Variants in SLCO1C1 observed in about 807,000 individuals in gnomAD.
The protein encoded by SLCO1C1 is solute carrier organic anion transporter family member 1C1.
SLCO1C1 carries 70 observed loss-of-function variants against 76.4 expected under a neutral mutation model. The observed-to-expected ratio is 0.92, with a 90% CI of 0.76 to 1.12. The LOEUF (loss-of-function observed/expected upper bound fraction) is 1.12, where lower values mean the gene tolerates loss of function less well. Ranked by LOEUF, SLCO1C1 falls within the 50% of genes most tolerant of loss-of-function variation. The pLI is 0.00. For synonymous variants in SLCO1C1, 306 were observed against 286.1 expected (o/e 1.07, Z -0.70); for missense variants, 912 against 823.8 (o/e 1.11, Z -1.31).
At chr12:20,699,799 C>CT (rs1301254102) in intron 2 of SLCO1C1, 94 bp downstream of exon 2, 4 of 1,288,362 alleles carry the variant, frequency 3.1e-6, no homozygotes, top group Non-Finnish European at 4.1e-6. Flanking sequence ...TTGTTTTCTC[C>CT]TTTAAAAAAA....
chr12:20,743,649 TTG>T (rs942813016), intron 13 of SLCO1C1, among the ~76,000 whole-genome samples: 1 of 152,134 alleles, frequency 6.6e-6, no homozygotes, highest in African/African-American at 2.4e-5. Context: ...TTTCTAGTAC[TTG>T]TGTGTTCTTA....
chr12:20,699,513 GTATT>G (rs1351926308), intron 1 of SLCO1C1, 35 bp from the exon 2 acceptor site: 5 of 1,407,938 alleles, frequency 3.6e-6, no homozygotes, highest in African/African-American at 1.9e-5. Context: ...AAATTGCGTA[GTATT>G]TATTTATTTT....
At chr12:20,713,061 G>C (rs1446886892) in intron 5 of SLCO1C1, among the ~76,000 whole-genome samples, 2 of 149,688 alleles carry the variant, frequency 1.3e-5, no homozygotes, top group Non-Finnish European at 3.0e-5. Context: ...TGTATACAAT[G>C]TACGGCCAGG....
chr12:20,710,671 G>GA (rs1947045547), intron 4 of SLCO1C1, among the ~76,000 whole-genome samples: 1 of 152,076 alleles, frequency 6.6e-6, no homozygotes. Context: ...AAGCAGTAGG[G>GA]AAAAAGCAGA....
chr12:20,708,411 T>C (rs1946891526), intron 4 of SLCO1C1, among the ~76,000 whole-genome samples: 1 of 151,924 alleles, frequency 6.6e-6, no homozygotes. Context: ...AGACAGAAAA[T>C]AAACAGATAA....
At position 20,750,793 on chromosome 12, in the gene SLCO1C1, G is replaced by A; in HGVS notation, c.1916+1G>A. On this transcript the variant is annotated splice_donor_variant, in intron 14 of 14. Coordinates refer to ENST00000266509, the MANE Select transcript of SLCO1C1 (RefSeq NM_017435.5). LOFTEE classifies it high-confidence loss of function. Reference sequence around the variant, plus strand: ...GATTATATGATTCAAATGTCTTCAGGTACCAAATCAAAAGCATTCCCGCAT... The same window carrying A: ...GATTATATGATTCAAATGTCTTCAGATACCAAATCAAAAGCATTCCCGCAT... 1 of 1,613,800 alleles carries A rather than the reference G, an allele frequency of 6.2e-7. No homozygotes were observed. The highest frequency in any genetic ancestry group is 1.3e-5 in the African/African-American group (1 of 74,956).
intron 1 of SLCO1C1, among the ~76,000 whole-genome samples, chr12:20,699,328 G>C (rs1946409184): frequency 6.6e-6 from 1 of 151,876 alleles, no homozygotes; most frequent in Non-Finnish European, 1.5e-5. Flanking sequence ...GGCTTAAACT[G>C]GGCAGATTGA....
chr12:20,711,632 T>C (rs956424863), intron 5 of SLCO1C1, 122 bp downstream of exon 5: 1 of 977,484 alleles, frequency 1.0e-6, no homozygotes, highest in Non-Finnish European at 1.5e-6. Flanking sequence ...TAAATTGAGA[T>C]ATCACAGTAC....
At chr12:20,729,677 T>C (rs911065013) in intron 9 of SLCO1C1, among the ~76,000 whole-genome samples, 1 of 151,302 alleles carries the variant, frequency 6.6e-6, no homozygotes, top group East Asian at 2.0e-4. Context: ...AAGCTCAGAG[T>C]ACTCTGGGAG....
intron 13 of SLCO1C1, 77 bp downstream of exon 13, chr12:20,743,446 A>G (rs543067046): frequency 1.0e-4 from 118 of 1,175,044 alleles, no homozygotes; most frequent in Non-Finnish European, 1.3e-4. Flanking sequence ...ATTTTTACAG[A>G]ATTGCCATGC....
rs1341671615 is a variant in SLCO1C1, at chr12:20,723,559, A to G, written c.1186+305A>G. 4.6e-5 allele frequency among the ~76,000 whole-genome samples: 7 copies of G among 152,156 alleles called. No individual in the cohort carries two copies. In the East Asian group the frequency reaches 1.3e-3, roughly 29 times the overall value. ...AACCTCAAAACAGTGGCCATTTTAC[A>G]TGAACAGTTTCTAGGATTATATAAA... On this transcript the variant is annotated intron_variant, in intron 9 of 14. Coordinates refer to ENST00000266509, the MANE Select transcript of SLCO1C1 (RefSeq NM_017435.5).
chr12:20,740,959 G>A (rs1948791341), intron 12 of SLCO1C1, among the ~76,000 whole-genome samples: 1 of 151,540 alleles, frequency 6.6e-6, no homozygotes, highest in South Asian at 2.1e-4. Context: ...TACCCGAGAT[G>A]GGGTAATTTA....
At chr12:20,713,078 G>GTTTTTTTT (rs1214294391) in intron 5 of SLCO1C1, among the ~76,000 whole-genome samples, 1 of 99,504 alleles carries the variant, frequency 1.0e-5, no homozygotes, top group African/African-American at 3.4e-5. Context: ...CAGGGAAGAT[G>GTTTTTTTT]TTTTCTTTTT....
chr12:20,707,256 T>C (rs1946825814), intron 4 of SLCO1C1, among the ~76,000 whole-genome samples: 1 of 152,170 alleles, frequency 6.6e-6, no homozygotes, highest in South Asian at 2.1e-4. Context: ...AAAAATGTTA[T>C]GTATGTTCAG....
chr12:20,724,429 A>G (rs1410339340), intron 9 of SLCO1C1, among the ~76,000 whole-genome samples: 2 of 122,718 alleles, frequency 1.6e-5, no homozygotes, highest in African/African-American at 6.5e-5. Context: ...ATATATATAT[A>G]TATATATATA....
chr12:20,716,050 A>T (rs1246611853), intron 6 of SLCO1C1, among the ~76,000 whole-genome samples: 1 of 152,080 alleles, frequency 6.6e-6, no homozygotes, highest in African/African-American at 2.4e-5. Context: ...TTGAAATTCT[A>T]ATCTTTTAAA....
chr12:20,732,693 T>C (rs1443022486), intron 9 of SLCO1C1, among the ~76,000 whole-genome samples: 1 of 152,100 alleles, frequency 6.6e-6, no homozygotes, highest in Admixed American at 6.6e-5. Flanking sequence ...ATTTATTAAT[T>C]TAATACTCTC....
intron 14 of SLCO1C1, among the ~76,000 whole-genome samples, chr12:20,751,306 GGGTGAGT>G (rs1258798255): frequency 6.6e-6 from 1 of 152,066 alleles, no homozygotes; most frequent in Non-Finnish European, 1.5e-5. Flanking sequence ...TTCTCTGTGT[GGGTGAGT>G]GTATATGGGG....
At chr12:20,742,700 A>ATTTT in intron 12 of SLCO1C1, among the ~76,000 whole-genome samples, 1 of 141,206 alleles carries the variant, frequency 7.1e-6, no homozygotes, top group Non-Finnish European at 1.5e-5. Context: ...TGCCCAGCTA[A>ATTTT]TTTTTTTTTT....
Sources: allele counts gnomAD v4.1 joint callset (sites outside exome capture counted in the v4.1 genomes callset), GRCh38; gene constraint gnomAD v4.1.1; transcripts MANE v1.5; gene names NCBI Gene and HGNC (gene_info 2026-07-23, HGNC 2026-07-21).